IGDCC4: variants seen among roughly 807,000 people sequenced by gnomAD.
IGDCC4 encodes the protein likely ortholog of mouse neighbor of Punc E11.
IGDCC4 carries 72 observed loss-of-function variants against 116.6 expected under a neutral mutation model. The observed-to-expected ratio is 0.62, with a 90% CI of 0.51 to 0.75. The LOEUF is 0.75. Among genes scored for constraint, IGDCC4 ranks in the 30% least tolerant of loss-of-function variants. The probability of loss-of-function intolerance (pLI) is 0.00; values close to 1 mark genes in which losing one functional copy is unlikely to be tolerated. For missense variants in IGDCC4, 1,501 were observed against 1,662.4 expected, an observed-to-expected ratio of 0.90 and a Z score of 1.69; for synonymous variants, 709 against 719.9, an observed-to-expected ratio of 0.98 and a Z score of 0.24.
At chr15:65,404,799 C>T (rs557885341) in intron 3 of IGDCC4, among the ~76,000 whole-genome samples, 14 of 152,214 alleles carry the variant, frequency 9.2e-5, no homozygotes, top group Admixed American at 7.2e-4. Flanking sequence ...CTTTTCTGGC[C>T]GGGCTTTTTG....
rs748792377 is a variant in IGDCC4 at position 65,391,887 on chromosome 15, C to G, written c.2217G>C (p.Pro739=). 2 of 1,613,366 alleles carry G rather than the reference C, an allele frequency of 1.2e-6. No individual in the cohort carries two copies. Among genetic ancestry groups the G allele is most frequent in the Non-Finnish European group, 1.7e-6 (2 of 1,179,748 alleles). The change falls in exon 12 of 20, where the codon CCG becomes CCC. Residue 739 remains proline (P), a synonymous_variant. Transcript: ENST00000352385. ...AVWKGKTEKA[P]APDMPIQRGP... is the part of the protein sequence containing the mutation. ...TTCCCCCACCGCCCTCACCTGGTGC[C>G]GGCGCCTTCTCCGTCTTGCCCTTCC...
chr15:65,408,659 G>A (rs114201266), intron 3 of IGDCC4, among the ~76,000 whole-genome samples: 206 of 152,286 alleles, frequency 1.4e-3, no homozygotes, highest in African/African-American at 4.7e-3. Context: ...CATTCAAGAA[G>A]CATTTAAAGG....
intron 1 of IGDCC4, among the ~76,000 whole-genome samples, chr15:65,421,309 T>C (rs991545289): frequency 6.6e-6 from 1 of 152,162 alleles, no homozygotes; most frequent in Non-Finnish European, 1.5e-5. Context: ...GCCCTAGGAA[T>C]AGCGGAAGGT....
rs1567078339 is a variant in IGDCC4 at position 65,384,864 on chromosome 15, C to T, written c.3342+90G>A. On this transcript the variant is annotated intron_variant, in intron 19 of 19. Transcript: ENST00000352385. The surrounding 1 kb of genome is among the most constrained non-coding windows in gnomAD (Gnocchi z 4.9). ...ACTTCTATCCCCAGGAAAGTTACCACCCAGGGGTCTCCAGAGAACTCATTA... is the reference window on the plus strand; with the variant it reads ...ACTTCTATCCCCAGGAAAGTTACCATCCAGGGGTCTCCAGAGAACTCATTA... 3 of 1,487,100 alleles carry T rather than the reference C, an allele frequency of 2.0e-6. No individual in the cohort carries two copies. The highest frequency in any genetic ancestry group is 2.4e-5 in the East Asian group (1 of 41,596). The allele number at this position is 1,487,100 out of a possible 1,614,324, so 92.1% of individuals were successfully genotyped here.
chr15:65,396,220 C>CT (rs35517676), intron 6 of IGDCC4, 57 bp from the exon 7 acceptor site: 511,743 of 1,321,388 alleles, frequency 0.39, 99,949 homozygotes, highest in East Asian at 0.68. Context: ...GTCTCTGCCC[C>CT]CCCCCCAGTA....
Position 65,422,780 on chromosome 15 carries a change from C to A in IGDCC4, c.70+13G>T. ...CCGCAGTCGCTCCTGCCTCTCCGGG[C>A]GCCCGCCCTTACCGCGCGCGGCCAA... is the stretch of plus-strand genomic sequence containing the variant. On this transcript the variant is annotated intron_variant, in intron 1 of 19. Coordinates refer to ENST00000352385, the MANE Select transcript of IGDCC4 (RefSeq NM_020962.3). 7.5e-7 allele frequency: 1 copy of A among 1,329,122 alleles called. No homozygotes were observed. Among genetic ancestry groups the A allele is most frequent in the Non-Finnish European group, 9.6e-7 (1 of 1,039,996 alleles). 82.3% of individuals were successfully genotyped at this position (1,329,122 alleles called of 1,614,324 possible).
chr15:65,420,292 C>T (rs996660724), intron 1 of IGDCC4, among the ~76,000 whole-genome samples: 1 of 152,186 alleles, frequency 6.6e-6, no homozygotes, highest in Non-Finnish European at 1.5e-5. Context: ...TTCAATCTAT[C>T]CTCAAGTTCT....
In IGDCC4 at chr15:65,410,289, G is replaced by A; in HGVS notation, c.452C>T (p.Ser151Phe). The A allele has an allele frequency of 6.2e-7, 1 of 1,614,068 alleles. No individual in the cohort carries two copies. Among genetic ancestry groups the A allele is most frequent in the Non-Finnish European group, 8.5e-7 (1 of 1,180,032 alleles). Reference protein sequence around the residue: ...TLADFSLHPESQTVEENGTAR... With the variant: ...TLADFSLHPEFQTVEENGTAR... The stretch of plus-strand genomic sequence containing the variant: ...TGTCCCGTTCTCCTCCACCGTCTGA[G>A]ACTCCGGGTGCAGAGAGAAGTCTGC... The change falls in exon 3 of 20, where the codon TCT (serine) becomes TTT (phenylalanine). Residue 151 changes from serine (S) to phenylalanine (F), a missense_variant. By Grantham distance (155) the Ser-to-Phe change is radical. Transcript: ENST00000352385.
chr15:65,410,877 C>T, intron 2 of IGDCC4, 143 bp downstream of exon 2: 5 of 631,454 alleles, frequency 7.9e-6, no homozygotes, highest in Non-Finnish European at 1.4e-5. Flanking sequence ...CAGGAAGAGA[C>T]CTATTGAGCA....
chr15:65,385,487 A>T, intron 18 of IGDCC4: 1 of 527,012 alleles, frequency 1.9e-6, no homozygotes, highest in Non-Finnish European at 3.4e-6. Context: ...CCACTTGGCC[A>T]CAGCCAAGCC....
chr15:65,405,091 C>G (rs2063027371), intron 3 of IGDCC4, among the ~76,000 whole-genome samples: 1 of 137,538 alleles, frequency 7.3e-6, no homozygotes, highest in East Asian at 2.1e-4. Context: ...TTTTTAGAAG[C>G]TCTGTCCTTG....
At chr15:65,417,212 C>T (rs1177931528) in intron 1 of IGDCC4, among the ~76,000 whole-genome samples, 2 of 152,130 alleles carry the variant, frequency 1.3e-5, no homozygotes, top group Non-Finnish European at 2.9e-5. Flanking sequence ...TTCCTTCCTG[C>T]CCCCAACCTT....
At chr15:65,412,944 TACAC>T (rs10563998) in intron 1 of IGDCC4, among the ~76,000 whole-genome samples, 25 of 147,548 alleles carry the variant, frequency 1.7e-4, no homozygotes, top group South Asian at 4.3e-4. Context: ...TCTCTCTCTG[TACAC>T]ACACACACAC....
intron 1 of IGDCC4, among the ~76,000 whole-genome samples, chr15:65,416,375 G>C (rs1017449749): frequency 1.3e-5 from 2 of 151,978 alleles, no homozygotes; most frequent in African/African-American, 2.4e-5. Flanking sequence ...CTGACTTCGT[G>C]ATCCGCCCGC....
chr15:65,390,008 T>C, intron 13 of IGDCC4, 147 bp downstream of exon 13: 1 of 676,916 alleles, frequency 1.5e-6, no homozygotes, highest in Non-Finnish European at 2.4e-6. Flanking sequence ...GTGCAGCCCC[T>C]CTGTGTGGCC....
At chr15:65,394,919 C>T (rs528172527) in intron 8 of IGDCC4, among the ~76,000 whole-genome samples, 175 bp downstream of exon 8, 8 of 152,284 alleles carry the variant, frequency 5.3e-5, no homozygotes, top group South Asian at 4.2e-4. Flanking sequence ...ATTTTCTGGG[C>T]CTCAGTTTCC....
At chr15:65,387,569 T>A (rs1403241155) in intron 16 of IGDCC4, among the ~76,000 whole-genome samples, 1 of 152,034 alleles carries the variant, frequency 6.6e-6, no homozygotes, top group East Asian at 1.9e-4. Flanking sequence ...GCCAGGATGG[T>A]CTCGATCTCC....
Position 65,390,336 on chromosome 15 carries a change from T to C in IGDCC4, c.2227A>G (p.Met743Val). 1 of 1,589,238 alleles carries C rather than the reference T, an allele frequency of 6.3e-7. No individual in the cohort carries two copies. The highest frequency in any genetic ancestry group is 8.6e-7 in the Non-Finnish European group (1 of 1,160,580). Residue 743 changes from methionine (M) to valine (V), a missense_variant and splice_region_variant, in exon 13 of 20, where the codon ATG (methionine) becomes GTG (valine). Transcript: ENST00000352385. ...GKTEKAPAPD[M>V]PIQRGPPLPP... ...AGGGGTGGTCCCCTCTGGATAGGCA[T>C]GTCTGAAAGGTGAAAACTAGAGTGT...
intron 3 of IGDCC4, among the ~76,000 whole-genome samples, chr15:65,406,055 G>T (rs2140225696): frequency 6.6e-6 from 1 of 152,354 alleles, no homozygotes; most frequent in South Asian, 2.1e-4. Context: ...TAACCACTGG[G>T]AGAGGGTAGG....
Sources: gnomAD v4.1 joint callset for allele counts (sites outside exome capture counted in the v4.1 genomes callset) on GRCh38, gnomAD v4.1.1 for gene constraint, Gnocchi (gnomAD v3.1) non-coding constraint, MANE v1.5 for transcripts, NCBI Gene and HGNC (gene_info 2026-07-23, HGNC 2026-07-21) for gene names.